Variants in GCC2 observed in about 807,000 individuals in gnomAD.
GCC2 encodes GRIP and coiled-coil domain containing 2.
GCC2 carries 120 observed loss-of-function variants against 210.6 expected under a neutral mutation model. That is an observed-to-expected ratio of 0.57 (90% CI 0.49 to 0.66). The LOEUF (loss-of-function observed/expected upper bound fraction) is 0.66. GCC2 is among the 30% of genes least tolerant of loss of function. The pLI is 0.00. For synonymous variants in GCC2, 703 were observed against 652.7 expected (o/e 1.08, Z -1.17); for missense variants, 1,868 against 1,871.9 (o/e 1.00, Z 0.04).
At position 108,504,368 on chromosome 2, in the gene GCC2, C is replaced by G. The variant is rs560571215; in HGVS notation, c.4985-3192C>G. On this transcript the variant is annotated intron_variant, in intron 22 of 22. Coordinates refer to ENST00000309863, the MANE Select transcript of GCC2 (RefSeq NM_181453.4). ...AGCTTAGGGGGTAAAGTAGGTTACCCAACTCGGAAAAGCAACATCAAAGTC... is the reference window on the plus strand; with the variant it reads ...AGCTTAGGGGGTAAAGTAGGTTACCGAACTCGGAAAAGCAACATCAAAGTC... Among the ~76,000 whole-genome samples, 11 of 152,090 alleles carry G rather than the reference C, an allele frequency of 7.2e-5. 1 individual carries two copies. The South Asian group carries it at 1.0e-3, about 14-fold the overall frequency.
At chr2:108,493,923 A>T in intron 19 of GCC2, 1 of 985,358 alleles carries the variant, frequency 1.0e-6, no homozygotes, top group Non-Finnish European at 1.2e-6. Context: ...AGGCAACTTA[A>T]TGAAATGCAA....
intron 4 of GCC2, among the ~76,000 whole-genome samples, chr2:108,454,479 T>C (rs1362527981): frequency 6.6e-6 from 1 of 152,250 alleles, no homozygotes; most frequent in Non-Finnish European, 1.5e-5. Flanking sequence ...TTTCATTTTA[T>C]AATGTACTGT....
chr2:108,500,789 T>C (rs1473229375), intron 22 of GCC2, among the ~76,000 whole-genome samples: 1 of 152,228 alleles, frequency 6.6e-6, no homozygotes, highest in African/African-American at 2.4e-5. Context: ...GGACAATCTT[T>C]TGGCGTAAAT....
intron 9 of GCC2, among the ~76,000 whole-genome samples, chr2:108,476,054 CTTTTT>C (rs56236751): frequency 3.1e-5 from 3 of 96,316 alleles, no homozygotes; most frequent in African/African-American, 3.8e-5. Flanking sequence ...TAGTGGCTTG[CTTTTT>C]TTTTTTTTTT....
chr2:108,476,827 C>CAA (rs1681558358), intron 9 of GCC2, among the ~76,000 whole-genome samples: 1 of 151,520 alleles, frequency 6.6e-6, no homozygotes, highest in Admixed American at 6.6e-5. Context: ...CAATAACAGG[C>CAA]AAACATACAA....
intron 1 of GCC2, 51 bp from the exon 2 acceptor site, chr2:108,449,582 G>A: frequency 6.5e-7 from 1 of 1,526,870 alleles, no homozygotes; most frequent in Non-Finnish European, 9.1e-7. Flanking sequence ...CGTTCCGTGT[G>A]GAATTAGGAA....
Position 108,492,805 on chromosome 2 carries a change from A to T in GCC2, c.4447+15A>T, listed in dbSNP as rs1476545183. ...GACCACAAGAAGTATGTATGTACAC[A>T]TGGAAATATTAGTTGTTCATGTTTT... On this transcript the variant is annotated intron_variant, in intron 19 of 22. Coordinates refer to ENST00000309863, the MANE Select transcript of GCC2 (RefSeq NM_181453.4). 6.6e-7 allele frequency: 1 copy of T among 1,524,432 alleles called. No individual in the cohort carries two copies. The allele number at this position is 1,524,432 out of a possible 1,614,324, so 94.4% of individuals were successfully genotyped here. A position where few individuals can be genotyped will look rare whatever the true frequency, so the allele number is the denominator to read the frequency against.
rs1056424582 is a variant in GCC2, at chr2:108,507,819, G to C, written c.*189G>C. On this transcript the variant is annotated 3_prime_UTR_variant, in exon 23 of 23. Transcript: ENST00000309863. ...TAAAAGTACAACAGCTTGAAGTGTT[G>C]ATAGCAGGCCACAGCCCTCTAACTC... is the stretch of plus-strand genomic sequence containing the variant. The C allele has an allele frequency of 6.0e-6, 3 of 498,680 alleles. No individual in the cohort carries two copies. The highest frequency in any genetic ancestry group is 3.8e-5 in the Admixed American group (1 of 26,386). The allele number at this position is 498,680 out of a possible 1,614,324, so 30.9% of individuals were successfully genotyped here. A position where few individuals can be genotyped will look rare whatever the true frequency, so the allele number is the denominator to read the frequency against.
At chr2:108,489,471 C>T (rs143240377) in intron 17 of GCC2, among the ~76,000 whole-genome samples, 2,428 of 151,612 alleles carry the variant, frequency 0.016, 70 homozygotes, top group African/African-American at 0.057. Context: ...GCCAAGATTG[C>T]GCCACTGCAC....
chr2:108,456,264 C>A (rs554497317), intron 4 of GCC2, among the ~76,000 whole-genome samples: 249 of 152,050 alleles, frequency 1.6e-3, no homozygotes, highest in Admixed American at 5.4e-3. Context: ...GGATTACAGG[C>A]GTGAGCCACC....
intron 19 of GCC2, chr2:108,493,959 A>G: frequency 4.1e-6 from 4 of 983,184 alleles, no homozygotes; most frequent in Non-Finnish European, 4.8e-6. Flanking sequence ...AAGTTTAAAA[A>G]TCTAGATTAC....
rs759956198 is a variant in GCC2, at chr2:108,449,239, G to T, written c.-36G>T. Reference sequence around the variant, plus strand: ...GCGCAAACAGAAGTGCAGCGGTGGCGGCGGCTGGTTGCGGGCCGGCGGCGG... The same window carrying T: ...GCGCAAACAGAAGTGCAGCGGTGGCTGCGGCTGGTTGCGGGCCGGCGGCGG... On this transcript the variant is annotated 5_prime_UTR_variant, in exon 1 of 23. Coordinates refer to ENST00000309863, the MANE Select transcript of GCC2 (RefSeq NM_181453.4). The T allele has an allele frequency of 2.7e-5, 41 of 1,546,718 alleles. No homozygotes were observed. The African/African-American group carries it at 3.8e-4, about 14-fold the overall frequency.
chr2:108,475,474 C>A, intron 7 of GCC2, 61 bp from the exon 8 acceptor site: 2 of 694,604 alleles, frequency 2.9e-6, no homozygotes, highest in Non-Finnish European at 4.6e-6. Context: ...CTAAAATAAG[C>A]AAGTAATTTG....
chr2:108,488,654 A>G (rs1200133120), intron 17 of GCC2, among the ~76,000 whole-genome samples: 1 of 152,174 alleles, frequency 6.6e-6, no homozygotes, highest in East Asian at 1.9e-4. Context: ...TATATTGTTT[A>G]TGCTGCTTTA....
intron 15 of GCC2, among the ~76,000 whole-genome samples, chr2:108,486,150 C>G (rs1030540044): frequency 6.6e-6 from 1 of 151,936 alleles, no homozygotes; most frequent in African/African-American, 2.4e-5. Flanking sequence ...ATAAAATAAG[C>G]CTGCATCTGA....
Position 108,471,169 on chromosome 2 carries a change from C to T in GCC2, c.1840C>T (p.His614Tyr). ...TTCCCATGAAGAAATGGATAATTTC[C>T]ATAAGAAATGTGAAAGGGAAGAAAG... is the stretch of plus-strand genomic sequence containing the variant. ...KNSHEEMDNF[H>Y]KKCEREERLI... The change falls in exon 6 of 23, where the codon CAT becomes TAT. Residue 614 changes from histidine (H) to tyrosine (Y), a missense_variant. His to Tyr is a moderately conservative substitution (Grantham distance 83, BLOSUM62 2). Coordinates refer to ENST00000309863, the MANE Select transcript of GCC2 (RefSeq NM_181453.4). 1 of 1,597,154 alleles carries T rather than the reference C, an allele frequency of 6.3e-7. No homozygotes were observed. Among genetic ancestry groups the T allele is most frequent in the South Asian group, 1.1e-5 (1 of 88,364 alleles).
rs757346184 is a variant in GCC2, at chr2:108,497,092, C to A, written c.4765C>A (p.Leu1589Ile). 1 of 1,611,994 alleles carries A rather than the reference C, an allele frequency of 6.2e-7. No homozygotes were observed. Among genetic ancestry groups the A allele is most frequent in the South Asian group, 1.1e-5 (1 of 90,992 alleles). The stretch of plus-strand genomic sequence containing the variant: ...GGAAACAGAAGCAACCAATGCAATT[C>A]TTATGGAGCAAATTAAGGTGAGATC... ...LRETEATNAI[L>I]MEQIKLLKSE... The change falls in exon 21 of 23, where the codon CTT (leucine) becomes ATT (isoleucine). Residue 1589 changes from leucine (L) to isoleucine (I), a missense_variant. Coordinates refer to ENST00000309863, the MANE Select transcript of GCC2 (RefSeq NM_181453.4).
intron 5 of GCC2, chr2:108,469,428 G>A (rs189553987): frequency 6.4e-6 from 3 of 466,218 alleles, no homozygotes; most frequent in African/African-American, 2.0e-5. Context: ...ATTAGGTCTG[G>A]GCTAATTTGA....
intron 17 of GCC2, among the ~76,000 whole-genome samples, chr2:108,488,072 A>C (rs986618942): frequency 6.6e-6 from 1 of 151,770 alleles, no homozygotes; most frequent in Non-Finnish European, 1.5e-5. Context: ...TACCCAGCTA[A>C]TTTTTGTATT....
Sources: gnomAD v4.1 joint callset for allele counts (sites outside exome capture counted in the v4.1 genomes callset) on GRCh38, gnomAD v4.1.1 for gene constraint, MANE v1.5 for transcripts, NCBI Gene and HGNC (gene_info 2026-07-23, HGNC 2026-07-21) for gene names.